Variants in CFAP61 observed in about 807,000 individuals in gnomAD.
CFAP61 encodes cilia and flagella associated protein 61.
A neutral mutation model predicts 135.6 loss-of-function variants in CFAP61; 107 were observed. That is an observed-to-expected ratio of 0.79 (90% CI 0.67 to 0.93). The LOEUF (loss-of-function observed/expected upper bound fraction) is 0.93. CFAP61 is among the 40% of genes least tolerant of loss of function. The pLI is 0.00. For missense variants in CFAP61, 1,507 were observed against 1,556.2 expected (o/e 0.97, Z 0.53); for synonymous variants, 575 against 578.5 (o/e 0.99, Z 0.09).
chr20:20,170,354 A>G (rs2054135382), intron 13 of CFAP61, among the ~76,000 whole-genome samples: 1 of 152,236 alleles, frequency 6.6e-6, no homozygotes, highest in African/African-American at 2.4e-5. Flanking sequence ...TTAAACAAAT[A>G]TGGCAGACAA....
chr20:20,062,110 C>T (rs1382336245), intron 2 of CFAP61, among the ~76,000 whole-genome samples: 1 of 152,096 alleles, frequency 6.6e-6, no homozygotes, highest in African/African-American at 2.4e-5. Flanking sequence ...GAAGTGTGTG[C>T]CTACATGGAG....
At chr20:20,233,079 G>C (rs1363038388) in intron 18 of CFAP61, among the ~76,000 whole-genome samples, 2 of 152,232 alleles carry the variant, frequency 1.3e-5, no homozygotes, top group Non-Finnish European at 1.5e-5. Context: ...AGCAGGGCAT[G>C]TTTCTAAAGC....
At chr20:20,220,814 A>T (rs1367604927) in intron 17 of CFAP61, among the ~76,000 whole-genome samples, 3 of 152,192 alleles carry the variant, frequency 2.0e-5, no homozygotes, top group African/African-American at 7.2e-5. Flanking sequence ...TCACTTTTGA[A>T]TGTGTTTCCC....
chr20:20,184,868 G>A (rs2055389276), intron 13 of CFAP61, among the ~76,000 whole-genome samples: 1 of 152,206 alleles, frequency 6.6e-6, no homozygotes, highest in South Asian at 2.1e-4. Context: ...GGGAACCTCT[G>A]ATGAGGGACT....
At chr20:20,234,938 T>C (rs1203398462) in intron 18 of CFAP61, among the ~76,000 whole-genome samples, 1 of 152,206 alleles carries the variant, frequency 6.6e-6, no homozygotes, top group Non-Finnish European at 1.5e-5. Context: ...GTCAAGCATC[T>C]GTCCAAAGGC....
intron 25 of CFAP61, among the ~76,000 whole-genome samples, chr20:20,304,326 G>A (rs539600914): frequency 1.3e-5 from 2 of 151,220 alleles, no homozygotes; most frequent in East Asian, 3.9e-4. Flanking sequence ...GAGAGAGAGA[G>A]AGAATTTGAT....
chr20:20,057,666 T>A (rs906982982), intron 2 of CFAP61, among the ~76,000 whole-genome samples: 3 of 152,240 alleles, frequency 2.0e-5, no homozygotes, highest in African/African-American at 7.2e-5. Context: ...TTTATAGACC[T>A]TCTGTGGGTG....
intron 17 of CFAP61, among the ~76,000 whole-genome samples, chr20:20,210,507 C>G (rs980973964): frequency 1.3e-5 from 2 of 152,188 alleles, no homozygotes; most frequent in Admixed American, 6.5e-5. Context: ...CCTGGTGTCC[C>G]CTGGCTGTTG....
chr20:20,097,054 A>G (rs898943789), intron 7 of CFAP61, among the ~76,000 whole-genome samples: 27 of 151,940 alleles, frequency 1.8e-4, no homozygotes, highest in South Asian at 1.2e-3. Flanking sequence ...AATGATTTTT[A>G]ACTGGGAGAC....
At chr20:20,274,646 C>T (rs116092328) in intron 21 of CFAP61, among the ~76,000 whole-genome samples, 2,194 of 151,664 alleles carry the variant, frequency 0.014, 52 homozygotes, top group African/African-American at 0.05. Flanking sequence ...GGGCAACAGG[C>T]GAGACTCTGT....
At chr20:20,066,261 CAG>C (rs1471831101) in intron 2 of CFAP61, among the ~76,000 whole-genome samples, 4 of 152,146 alleles carry the variant, frequency 2.6e-5, no homozygotes, top group Non-Finnish European at 5.9e-5. Context: ...TTGTGGAAGA[CAG>C]TGTGGTGATT....
chr20:20,121,540 G>T (rs1362889020), intron 8 of CFAP61, among the ~76,000 whole-genome samples: 1 of 152,050 alleles, frequency 6.6e-6, no homozygotes, highest in African/African-American at 2.4e-5. Context: ...TGTCACTCAG[G>T]CTGGAGTGCA....
chr20:20,061,338 A>G lies in CFAP61; in HGVS notation c.143+4542A>G, dbSNP rs6136930. 1.1e-4 allele frequency among the ~76,000 whole-genome samples: 17 copies of G among 152,356 alleles called. No homozygotes were observed. In the East Asian group the frequency reaches 3.1e-3, roughly 28 times the overall value. On this transcript the variant is annotated intron_variant, in intron 2 of 26. Transcript: ENST00000245957. ...TTTACTATATCAGCAATCATAATAA[A>G]TGCATCTGGACAAAAATCTTCCATT...
chr20:20,158,408 A>G (rs2053128342), intron 9 of CFAP61, among the ~76,000 whole-genome samples: 1 of 151,698 alleles, frequency 6.6e-6, no homozygotes. Context: ...ATGAAATGAC[A>G]CTCAATCTCA....
intron 25 of CFAP61, among the ~76,000 whole-genome samples, chr20:20,322,358 C>T (rs917620776): frequency 6.6e-6 from 1 of 152,206 alleles, no homozygotes; most frequent in Non-Finnish European, 1.5e-5. Context: ...GAAGTCCCAA[C>T]ATGACTGTTG....
chr20:20,142,835 T>C (rs2051520063), intron 8 of CFAP61, 22 bp from the exon 9 acceptor site: 2 of 1,400,706 alleles, frequency 1.4e-6, no homozygotes, highest in Non-Finnish European at 1.0e-6. Context: ...TTTCTGTCAT[T>C]ATTCTATCCC....
intron 8 of CFAP61, among the ~76,000 whole-genome samples, chr20:20,134,681 G>A (rs910463187): frequency 1.3e-5 from 2 of 152,114 alleles, no homozygotes; most frequent in South Asian, 2.1e-4. Flanking sequence ...TTGGATATGG[G>A]GAAAGGAGAT....
chr20:20,298,493 A>T, intron 25 of CFAP61, 107 bp downstream of exon 25: 1 of 893,484 alleles, frequency 1.1e-6, no homozygotes, highest in Non-Finnish European at 1.7e-6. Flanking sequence ...CGGGAATCCC[A>T]GAGAGAGGCT....
Position 20,277,416 on chromosome 20 carries a change from C to A in CFAP61, c.2754C>A (p.Ala918=), listed in dbSNP as rs1397351584. 1 of 1,613,794 alleles carries A rather than the reference C, an allele frequency of 6.2e-7. No individual in the cohort carries two copies. Among genetic ancestry groups the A allele is most frequent in the South Asian group, 1.1e-5 (1 of 91,044 alleles). The change falls in exon 22 of 27, where the codon GCC becomes GCA. Residue 918 remains alanine, a synonymous_variant. Transcript: ENST00000245957. ...DGLHPDPIYS[A]SFTTPTKPFR... is the part of the protein sequence containing the mutation. ...TGCACCCAGACCCCATCTACAGCGC[C>A]TCCTTCACCACACCCACCAAGCCTT...
Sources: allele counts gnomAD v4.1 joint callset (sites outside exome capture counted in the v4.1 genomes callset), GRCh38; gene constraint gnomAD v4.1.1; transcripts MANE v1.5; gene names NCBI Gene and HGNC (gene_info 2026-07-23, HGNC 2026-07-21).